The following EVL variants were observed in gnomAD, a reference collection of about 807,000 sequenced individuals.
The protein encoded by EVL is Enah/Vasp-like.
In EVL, 21 loss-of-function variants were observed where a neutral mutation model predicts 59.6. That is an observed-to-expected ratio of 0.35 (90% CI 0.25 to 0.51). EVL has a LOEUF of 0.51. Ranked by LOEUF, EVL falls within the 20% of genes least tolerant of loss-of-function variation. The probability of loss-of-function intolerance (pLI) is 0.97; values close to 1 mark genes in which losing one functional copy is unlikely to be tolerated. For missense variants in EVL, 462 were observed against 546.6 expected (o/e 0.85, Z 1.54); for synonymous variants, 198 against 203.5 (o/e 0.97, Z 0.23).
chr14:100,068,339 G>A (rs533591720), intron 1 of EVL, among the ~76,000 whole-genome samples: 1 of 152,296 alleles, frequency 6.6e-6, no homozygotes, highest in South Asian at 2.1e-4. Flanking sequence ...GGCAAATAAG[G>A]GCACAGAAGG....
At chr14:100,004,491 T>A (rs1319276614) in intron 1 of EVL, among the ~76,000 whole-genome samples, 1 of 150,742 alleles carries the variant, frequency 6.6e-6, no homozygotes, top group Non-Finnish European at 1.5e-5. Flanking sequence ...GTTTTTTTTT[T>A]AACATCAAAC....
In EVL at chr14:99,972,844, C is replaced by T. The variant is rs1777513471; in HGVS notation, c.5+787C>T. ...GTAATTTTGCTTTCTGAACACGTAT[C>T]TCGTAAAAACTGTAGTTTGTAACTA... is the stretch of plus-strand genomic sequence containing the variant. On this transcript the variant is annotated intron_variant, in intron 1 of 13. Transcript: ENST00000402714. The surrounding 1 kb of genome is among the most constrained non-coding windows in gnomAD (Gnocchi z 4.4). 6.6e-6 allele frequency among the ~76,000 whole-genome samples: 1 copy of T among 151,680 alleles called. No individual in the cohort carries two copies. Among genetic ancestry groups the T allele is most frequent in the Admixed American group, 6.6e-5 (1 of 15,246 alleles).
chr14:100,061,666 A>G (rs1240522024), upstream of EVL, among the ~76,000 whole-genome samples: 1 of 152,006 alleles, frequency 6.6e-6, no homozygotes, highest in Admixed American at 6.6e-5. Flanking sequence ...GCATCCCCCA[A>G]AATTTTAGCT....
At chr14:100,136,123 C>A (rs981400628) in intron 9 of EVL, among the ~76,000 whole-genome samples, 155 bp downstream of exon 9, 3 of 48,774 alleles carry the variant, frequency 6.2e-5, no homozygotes, top group Admixed American at 5.9e-4. Flanking sequence ...TCCCCCAGAG[C>A]CTCCCCCAGG....
intron 3 of EVL, among the ~76,000 whole-genome samples, chr14:100,100,618 C>G (rs147756736): frequency 6.6e-6 from 1 of 151,892 alleles, no homozygotes; most frequent in East Asian, 1.9e-4. Flanking sequence ...TGAAATCATA[C>G]AGTGTGTATG....
chr14:100,037,814 A>G lies in EVL; in HGVS notation c.6-46873A>G, dbSNP rs991322487. Among the ~76,000 whole-genome samples, 6 of 152,332 alleles carry G rather than the reference A, an allele frequency of 3.9e-5. 1 individual carries two copies. In the Middle Eastern group the frequency reaches 0.01, roughly 259 times the overall value. ...CCGAAACAGCCACTATGTCCCAGGCAATATATAGTTATTTTCTTTCATTCA... is the reference window on the plus strand; with the variant it reads ...CCGAAACAGCCACTATGTCCCAGGCGATATATAGTTATTTTCTTTCATTCA... On this transcript the variant is annotated intron_variant, in intron 1 of 13. Transcript: ENST00000402714.
intron 1 of EVL, among the ~76,000 whole-genome samples, chr14:100,002,146 A>C (rs2060949812): frequency 6.6e-6 from 1 of 152,192 alleles, no homozygotes; most frequent in Admixed American, 6.5e-5. Context: ...GTCCACTATT[A>C]GTTCAGTCCA....
At chr14:100,132,877 T>C (rs1888526457) in intron 8 of EVL, 98 bp downstream of exon 8, 2 of 1,333,504 alleles carry the variant, frequency 1.5e-6, no homozygotes, top group South Asian at 2.4e-5. Flanking sequence ...GGGACATGCG[T>C]GGGATGGGCG....
intron 1 of EVL, among the ~76,000 whole-genome samples, chr14:100,056,780 TC>T (rs2061740672): frequency 6.6e-6 from 1 of 152,116 alleles, no homozygotes; most frequent in African/African-American, 2.4e-5. Flanking sequence ...GCCCTATCTG[TC>T]CCCTTTTCAT....
At chr14:100,052,164 A>G (rs746904083) in intron 1 of EVL, among the ~76,000 whole-genome samples, 8 of 152,214 alleles carry the variant, frequency 5.3e-5, no homozygotes, top group South Asian at 2.1e-4. Flanking sequence ...CCGAAGTGCT[A>G]TGCTTTCACT....
At chr14:100,131,250 A>G (rs1595240906) in intron 7 of EVL, among the ~76,000 whole-genome samples, 1 of 152,348 alleles carries the variant, frequency 6.6e-6, no homozygotes, top group East Asian at 1.9e-4. Context: ...GCTGAGGGGA[A>G]GCACCTTTCT....
At chr14:99,992,281 C>G (rs1257626003) in intron 1 of EVL, among the ~76,000 whole-genome samples, 6 of 152,122 alleles carry the variant, frequency 3.9e-5, no homozygotes, top group African/African-American at 1.4e-4. Flanking sequence ...AAGTCACTTG[C>G]TCATTTATTA....
At chr14:100,005,218 A>C (rs1323708353) in intron 1 of EVL, among the ~76,000 whole-genome samples, 1 of 152,256 alleles carries the variant, frequency 6.6e-6, no homozygotes, top group Non-Finnish European at 1.5e-5. Flanking sequence ...TAGTTTTGAA[A>C]TAAAGACAAC....
intron 1 of EVL, among the ~76,000 whole-genome samples, chr14:100,032,690 A>C (rs1267889636): frequency 6.6e-6 from 1 of 152,002 alleles, no homozygotes; most frequent in Admixed American, 6.6e-5. Flanking sequence ...AATCCTCTAA[A>C]ACCCAGCCCT....
chr14:100,094,482 C>G (rs543238301), intron 2 of EVL, among the ~76,000 whole-genome samples: 98 of 152,304 alleles, frequency 6.4e-4, no homozygotes, highest in Non-Finnish European at 3.8e-4. Flanking sequence ...TGGCTCATGC[C>G]TGTAATCCCA....
In EVL at chr14:100,143,763, C is replaced by T. The variant is rs756651317; in HGVS notation, c.*25C>T. 7.5e-6 allele frequency: 12 copies of T among 1,609,022 alleles called. No individual in the cohort carries two copies. The highest frequency in any genetic ancestry group is 4.4e-5 in the South Asian group (4 of 90,652). The stretch of plus-strand genomic sequence containing the variant: ...AGGGGCCGGCCTCGCTGCGCTGATT[C>T]GTCGAGCCCATCCGGCGACAGAGGA... On this transcript the variant is annotated 3_prime_UTR_variant, in exon 14 of 14. Transcript: ENST00000392920.
intron 1 of EVL, among the ~76,000 whole-genome samples, chr14:99,995,825 A>G (rs1416922409): frequency 6.6e-6 from 1 of 151,968 alleles, no homozygotes; most frequent in Non-Finnish European, 1.5e-5. Flanking sequence ...TGCATGTAAT[A>G]CCCTAGTTGA....
At chr14:100,136,800 T>C (rs769801948) in intron 9 of EVL, among the ~76,000 whole-genome samples, 60 of 152,182 alleles carry the variant, frequency 3.9e-4, no homozygotes, top group Non-Finnish European at 7.2e-4. Flanking sequence ...CCTGCCCTGT[T>C]TGCTTCTTCC....
intron 1 of EVL, among the ~76,000 whole-genome samples, chr14:100,013,261 A>G (rs904321960): frequency 2.0e-5 from 3 of 152,200 alleles, no homozygotes; most frequent in Non-Finnish European, 4.4e-5. Context: ...CATTTTAAAA[A>G]TGGTTATTGA....
Sources: allele counts gnomAD v4.1 joint callset (sites outside exome capture counted in the v4.1 genomes callset), GRCh38; gene constraint gnomAD v4.1.1; non-coding constraint Gnocchi (gnomAD v3.1); transcripts MANE v1.5; gene names NCBI Gene and HGNC (gene_info 2026-07-23, HGNC 2026-07-21).